ROBO2: variants seen among roughly 807,000 people sequenced by gnomAD.
ROBO2 encodes roundabout homolog 2.
A neutral mutation model predicts 160.8 loss-of-function variants in ROBO2; 53 were observed. The observed-to-expected ratio is 0.33, with a 90% confidence interval of 0.26 to 0.41. ROBO2 has a LOEUF of 0.41. Among genes scored for constraint, ROBO2 ranks in the 10% least tolerant of loss-of-function variants. The probability of loss-of-function intolerance (pLI) is 1.00; values close to 1 mark genes in which losing one functional copy is unlikely to be tolerated. For missense variants in ROBO2, 1,577 were observed against 1,722.4 expected, an observed-to-expected ratio of 0.92 and a Z score of 1.49; for synonymous variants, 664 against 611.7, an observed-to-expected ratio of 1.09 and a Z score of -1.26.
At chr3:77,356,718 T>G (rs79190125) in intron 2 of ROBO2, among the ~76,000 whole-genome samples, 1,539 of 152,276 alleles carry the variant, frequency 0.01, 21 homozygotes, top group African/African-American at 0.035. Context: ...CCATACAGTC[T>G]CAGGAAAGTG....
At chr3:77,492,864 G>A (rs1005534902) in intron 4 of ROBO2, among the ~76,000 whole-genome samples, 3 of 151,988 alleles carry the variant, frequency 2.0e-5, no homozygotes, top group South Asian at 2.1e-4. Context: ...TCAACTTTTA[G>A]TTTTCCCACT....
At chr3:77,415,640 A>G (rs545271511) in intron 2 of ROBO2, among the ~76,000 whole-genome samples, 19 of 151,876 alleles carry the variant, frequency 1.3e-4, no homozygotes, top group African/African-American at 1.9e-4. Flanking sequence ...CTACCAACCC[A>G]GGGTAGGGCA....
intron 2 of ROBO2, among the ~76,000 whole-genome samples, chr3:76,002,363 C>T (rs942081553): frequency 3.9e-5 from 6 of 152,104 alleles, no homozygotes; most frequent in African/African-American, 9.7e-5. Context: ...TTGTAGCTCC[C>T]GTAACTCCCG....
chr3:77,131,317 T>A (rs1404764562), intron 2 of ROBO2, among the ~76,000 whole-genome samples: 1 of 152,226 alleles, frequency 6.6e-6, no homozygotes, highest in African/African-American at 2.4e-5. Context: ...ATAGGCAGGT[T>A]CTTTTAGCCT....
At chr3:75,913,403 C>T (rs991499068) in intron 1 of ROBO2, among the ~76,000 whole-genome samples, 1 of 152,112 alleles carries the variant, frequency 6.6e-6, no homozygotes, top group Admixed American at 6.6e-5. Context: ...TATTATGCAG[C>T]CTATCATAAG....
chr3:76,416,676 T>A (rs2075770135), intron 2 of ROBO2, among the ~76,000 whole-genome samples: 1 of 152,180 alleles, frequency 6.6e-6, no homozygotes. Context: ...GGAGAGATGA[T>A]GACCACAAGA....
intron 23 of ROBO2, among the ~76,000 whole-genome samples, chr3:77,622,754 C>CT: frequency 6.6e-6 from 1 of 152,116 alleles, no homozygotes. Context: ...TAGAAATGAT[C>CT]TTTTTTATAT....
chr3:76,074,954 G>A (rs894590140), intron 2 of ROBO2, among the ~76,000 whole-genome samples: 1 of 152,092 alleles, frequency 6.6e-6, no homozygotes. Flanking sequence ...TGACAATAGG[G>A]TTTTTCATAT....
At chr3:76,613,949 A>C (rs754260688) in intron 2 of ROBO2, among the ~76,000 whole-genome samples, 2 of 151,058 alleles carry the variant, frequency 1.3e-5, no homozygotes, top group Non-Finnish European at 3.0e-5. Flanking sequence ...ACCCTTATAC[A>C]TTTTTTTTTC....
chr3:77,413,877 T>G (rs925501911), intron 2 of ROBO2, among the ~76,000 whole-genome samples: 1 of 152,058 alleles, frequency 6.6e-6, no homozygotes, highest in Non-Finnish European at 1.5e-5. Flanking sequence ...AAAATGGAGC[T>G]GTAATGTAGG....
chr3:76,765,024 T>C (rs1001298591), intron 2 of ROBO2, among the ~76,000 whole-genome samples: 2 of 151,622 alleles, frequency 1.3e-5, no homozygotes, highest in Non-Finnish European at 3.0e-5. Flanking sequence ...GTGAACATTG[T>C]ACCCAATAGG....
At chr3:76,680,175 T>A (rs1045690405) in intron 2 of ROBO2, among the ~76,000 whole-genome samples, 6 of 152,138 alleles carry the variant, frequency 3.9e-5, no homozygotes, top group Admixed American at 3.9e-4. Context: ...TGAAATTTTA[T>A]AGGAAACTTG....
rs190241447 is a variant in ROBO2 at position 77,161,102 on chromosome 3, C to G, written c.388+62762C>G. On this transcript the variant is annotated intron_variant, in intron 2 of 25. Coordinates refer to ENST00000461745, the Ensembl canonical transcript of ROBO2. ...AGCTCCCTCCCTGTAAGCTTCATGG[C>G]CTGCACTTCTCAGAAAGATAGACTC... is the stretch of plus-strand genomic sequence containing the variant. 1.7e-3 allele frequency among the ~76,000 whole-genome samples: 260 copies of G among 152,260 alleles called. 1 individual carries two copies. The highest frequency in any genetic ancestry group is 6.0e-3 in the African/African-American group (249 of 41,554).
intron 14 of ROBO2, among the ~76,000 whole-genome samples, chr3:77,576,074 G>T (rs2093755989): frequency 1.3e-5 from 2 of 152,190 alleles, no homozygotes; most frequent in Middle Eastern, 3.4e-3. Flanking sequence ...TTCTCGCCGA[G>T]CCAGCAGCAA....
At chr3:77,248,679 C>T (rs557307211) in intron 2 of ROBO2, among the ~76,000 whole-genome samples, 1 of 152,122 alleles carries the variant, frequency 6.6e-6, no homozygotes, top group South Asian at 2.1e-4. Context: ...AGCGCGAAAG[C>T]AGCCAGCGAG....
intron 2 of ROBO2, among the ~76,000 whole-genome samples, chr3:76,226,576 T>A (rs1704300700): frequency 6.6e-6 from 1 of 152,184 alleles, no homozygotes; most frequent in South Asian, 2.1e-4. Flanking sequence ...TTTTAACAAA[T>A]CAATTATAAT....
chr3:77,240,985 C>T (rs2088952543), intron 2 of ROBO2, among the ~76,000 whole-genome samples: 2 of 152,140 alleles, frequency 1.3e-5, no homozygotes, highest in Non-Finnish European at 1.5e-5. Context: ...GTTATTTTTT[C>T]TGATGATTAG....
intron 2 of ROBO2, chr3:76,434,395 T>TGG: frequency 1.3e-6 from 2 of 1,559,384 alleles, no homozygotes; most frequent in South Asian, 2.2e-5. Flanking sequence ...ACCTGTCAGC[T>TGG]GTCAACGAAA....
At chr3:76,972,635 C>T (rs371467592) in intron 2 of ROBO2, among the ~76,000 whole-genome samples, 4 of 151,964 alleles carry the variant, frequency 2.6e-5, no homozygotes, top group South Asian at 4.1e-4. Flanking sequence ...AGGTGGAGGA[C>T]TGCGTGAACC....
Sources: allele counts gnomAD v4.1 joint callset (sites outside exome capture counted in the v4.1 genomes callset), GRCh38; gene constraint gnomAD v4.1.1; transcripts MANE v1.5; gene names NCBI Gene and HGNC (gene_info 2026-07-23, HGNC 2026-07-21).